The following WNK3 variants were observed in gnomAD, a reference collection of about 807,000 sequenced individuals.
The protein encoded by WNK3 is serine/threonine-protein kinase WNK3.
In WNK3, 18 loss-of-function variants were observed where a neutral mutation model predicts 116.7. The observed-to-expected ratio is 0.15, with a 90% CI of 0.11 to 0.23. The LOEUF is 0.23. WNK3 is among the 10% of genes least tolerant of loss of function. WNK3 has a pLI of 1.00. For synonymous variants in WNK3, 404 were observed against 469.4 expected (o/e 0.86, Z 1.80); for missense variants, 993 against 1,323.8 (o/e 0.75, Z 3.88).
At position 54,333,730 on chromosome X, in the gene WNK3, T is replaced by C; in HGVS notation, c.-57A>G. The C allele has an allele frequency of 1.1e-6, 1 of 945,845 alleles. No homozygotes were observed. The highest frequency in any genetic ancestry group is 1.4e-6 in the Non-Finnish European group (1 of 692,176). The allele number at this position is 945,845 out of a possible 1,213,427, so 77.9% of individuals were successfully genotyped here. A position where few individuals can be genotyped will look rare whatever the true frequency, so the allele number is the denominator to read the frequency against. On this transcript the variant is annotated 5_prime_UTR_variant, in exon 2 of 24. The change abolishes an upstream ATG in the 5' untranslated region. Coordinates refer to ENST00000354646, the Ensembl canonical transcript of WNK3. ...GTTTCTACTCTTCAGTCCAGTTACA[T>C]CTCAGGTATCAGAATTATCAGAATG...
rs782475626 is a variant in WNK3 at position 54,198,288 on chromosome X, G to GA, written c.*35dup. 8 of 1,082,886 alleles carry GA rather than the reference G, an allele frequency of 7.4e-6. No individual in the cohort carries two copies. The East Asian group carries it at 2.2e-4, about 30-fold the overall frequency. 89.2% of individuals were successfully genotyped at this position (1,082,886 alleles called of 1,213,427 possible). ...TCTTGGGTGTCCTGAAAATAATTCTGAAAAAACCTCCCTTTTTATCACCAT... is the reference window on the plus strand; with the variant it reads ...TCTTGGGTGTCCTGAAAATAATTCTGAAAAAAACCTCCCTTTTTATCACCAT... On this transcript the variant is annotated 3_prime_UTR_variant, in exon 24 of 24. Transcript: ENST00000354646.
chrX:54,233,020 T>C, exon 21 of WNK3: 1 of 1,202,543 alleles, frequency 8.3e-7, no homozygotes, highest in Non-Finnish European at 1.1e-6. Flanking sequence ...CCTGAATGTG[T>C]CTGAATGAAA....
chrX:54,238,195 T>C (rs369845091), intron 19 of WNK3, 147 bp downstream of exon 19: 2 of 668,235 alleles, frequency 3.0e-6, no homozygotes, highest in East Asian at 4.0e-5. Flanking sequence ...ATCACACCAT[T>C]GCACTCCAAC....
In WNK3 at chrX:54,242,981, T is replaced by A. The variant is rs189654936; in HGVS notation, c.3652-3882A>T. Among the ~76,000 whole-genome samples, 8 of 109,625 alleles carry A rather than the reference T, an allele frequency of 7.3e-5. No individual in the cohort carries two copies. In the East Asian group the frequency reaches 1.4e-3, roughly 20 times the overall value. On this transcript the variant is annotated intron_variant, in intron 17 of 23. Transcript: ENST00000354646. ...ATCCAGAATATACAAAGATTTTTTT[T>A]ATTTTATTTTATAGAGATGGGGGGT...
At chrX:54,236,035 A>G (rs781858840) in intron 20 of WNK3, among the ~76,000 whole-genome samples, 22 of 112,274 alleles carry the variant, frequency 2.0e-4, no homozygotes, top group Non-Finnish European at 3.0e-4. Context: ...GAGGGAGACT[A>G]CTGGTTACCC....
At chrX:54,306,413 GAATA>G (rs1557168672) in intron 5 of WNK3, among the ~76,000 whole-genome samples, 1 of 111,660 alleles carries the variant, frequency 9.0e-6, no homozygotes, top group African/African-American at 3.3e-5. Flanking sequence ...ATCAGTGAAT[GAATA>G]AAGAAAATGT....
chrX:54,291,340 AC>A lies in WNK3; in HGVS notation c.2037+1547del, dbSNP rs1475895345. ...AAAAAACAAAACAAAACGAAACAAA[AC>A]AAAACAAAATGAAAAAACAATAAGT... On this transcript the variant is annotated intron_variant, in intron 10 of 23. Transcript: ENST00000354646. 6.3e-5 allele frequency among the ~76,000 whole-genome samples: 7 copies of A among 111,871 alleles called. No homozygotes were observed. In the Admixed American group the frequency reaches 6.7e-4, roughly 11 times the overall value.
At chrX:54,199,096 G>A (rs1282794046) in intron 23 of WNK3, among the ~76,000 whole-genome samples, 2 of 110,862 alleles carry the variant, frequency 1.8e-5, no homozygotes, top group East Asian at 5.6e-4. Context: ...ACAAATTGGA[G>A]AGGTTATACA....
rs181786982 is a variant in WNK3, at chrX:54,282,708, C to T, written c.2037+10180G>A. ...TTGATTGTCAACAAGGGTGCCAAGG[C>T]TATTCAATGGGTGAATAGTCTTTTG... On this transcript the variant is annotated intron_variant, in intron 10 of 23. Coordinates refer to ENST00000354646, the Ensembl canonical transcript of WNK3. Among the ~76,000 whole-genome samples the T allele has an allele frequency of 5.4e-5, 6 of 111,461 alleles. No individual in the cohort carries two copies. The East Asian group carries it at 1.7e-3, about 32-fold the overall frequency.
In WNK3 at chrX:54,324,314, C is replaced by T. The variant is rs781784014; in HGVS notation, c.537+8823G>A. ...AAGTCCTTTTTGAAATGTAAGATGA[C>T]ATATTCACAGGTTCCAGGGATTAGG... is the stretch of plus-strand genomic sequence containing the variant. On this transcript the variant is annotated intron_variant, in intron 2 of 23. Transcript: ENST00000354646. Among the ~76,000 whole-genome samples the T allele has an allele frequency of 3.6e-5, 4 of 112,110 alleles. No individual in the cohort carries two copies. The South Asian group carries it at 1.5e-3, about 42-fold the overall frequency.
intron 8 of WNK3, among the ~76,000 whole-genome samples, chrX:54,293,719 T>G (rs781838767): frequency 8.9e-6 from 1 of 112,431 alleles, no homozygotes; most frequent in African/African-American, 3.2e-5. Context: ...AGGTTATTAC[T>G]ATGCAAATAC....
chrX:54,342,553 T>C (rs1437602033), intron 1 of WNK3, among the ~76,000 whole-genome samples: 1 of 106,839 alleles, frequency 9.4e-6, no homozygotes, highest in Non-Finnish European at 1.9e-5. Flanking sequence ...GTGACAAGAG[T>C]GAAATCTGTC....
intron 10 of WNK3, among the ~76,000 whole-genome samples, chrX:54,274,830 A>C (rs1408718183): frequency 1.8e-5 from 2 of 109,188 alleles, no homozygotes; most frequent in Admixed American, 1.0e-4. Context: ...ATATAGCAAG[A>C]CTCCATCTCT....
chrX:54,237,286 T>A, exon 20 of WNK3: 3 of 1,212,251 alleles, frequency 2.5e-6, no homozygotes, highest in Non-Finnish European at 3.3e-6. Flanking sequence ...TACATCAGTC[T>A]CACAAGCTGC....
intron 10 of WNK3, among the ~76,000 whole-genome samples, chrX:54,287,214 T>C (rs1330050530): frequency 2.7e-5 from 3 of 111,729 alleles, no homozygotes; most frequent in African/African-American, 9.8e-5. Flanking sequence ...AATCACTCAA[T>C]AGTATTATCT....
chrX:54,220,220 T>C lies in WNK3; in HGVS notation c.4870+8494A>G, dbSNP rs1010085240. Among the ~76,000 whole-genome samples, 5 of 112,022 alleles carry C rather than the reference T, an allele frequency of 4.5e-5. No homozygotes were observed. The Admixed American group carries it at 4.8e-4, about 11-fold the overall frequency. On this transcript the variant is annotated intron_variant, in intron 22 of 23. Transcript: ENST00000354646. ...CATTCTAATAACTAGTTCTTCTTGA[T>C]GACTGGAATACAAAGAATACTAAAA...
chrX:54,255,686 T>C (rs1460570242), intron 12 of WNK3, 54 bp downstream of exon 12: 8 of 1,109,854 alleles, frequency 7.2e-6, no homozygotes, highest in Non-Finnish European at 9.6e-6. Flanking sequence ...TGCCCCTCTC[T>C]GACCCTCCAG....
chrX:54,293,201 T>C, exon 9 of WNK3: 3 of 1,210,743 alleles, frequency 2.5e-6, no homozygotes, highest in Non-Finnish European at 3.4e-6. Flanking sequence ...AACATTTACT[T>C]CAGCCTGCGG....
intron 2 of WNK3, among the ~76,000 whole-genome samples, chrX:54,318,232 C>T (rs782380296): frequency 6.6e-4 from 71 of 108,149 alleles, no homozygotes; most frequent in African/African-American, 2.1e-3. Flanking sequence ...TGGTGGCACG[C>T]GCCTGTGATC....
Sources: gnomAD v4.1 joint callset for allele counts (sites outside exome capture counted in the v4.1 genomes callset) on GRCh38, gnomAD v4.1.1 for gene constraint, MANE v1.5 for transcripts, NCBI Gene and HGNC (gene_info 2026-07-23, HGNC 2026-07-21) for gene names.